The following MAPK8IP2 variants were observed in gnomAD, a reference collection of about 807,000 sequenced individuals.
The protein encoded by MAPK8IP2 is C-Jun-amino-terminal kinase-interacting protein 2.
Under a neutral mutation model 75.6 loss-of-function variants are expected in MAPK8IP2, and 15 were observed. The ratio of observed to expected loss-of-function variants is 0.20; its 90% CI spans 0.13 to 0.31. The LOEUF is 0.31. Among genes scored for constraint, MAPK8IP2 ranks in the 10% least tolerant of loss-of-function variants. MAPK8IP2 has a pLI of 1.00. For missense variants in MAPK8IP2, 1,089 were observed against 1,211.2 expected (o/e 0.90, Z 1.50); for synonymous variants, 632 against 554.5 (o/e 1.14, Z -1.96).
chr22:50,600,817 A>G lies in MAPK8IP2; in HGVS notation c.-2A>G. On this transcript the variant is annotated 5_prime_UTR_variant, in exon 1 of 12. Transcript: ENST00000329492. ...CGCAGTCGCGGGCCTCTCCCGGAGA[A>G]GATGGCGGATCGCGCGGAGATGTTT... is the stretch of plus-strand genomic sequence containing the variant. 3.1e-6 allele frequency: 4 copies of G among 1,285,726 alleles called. No individual in the cohort carries two copies. The highest frequency in any genetic ancestry group is 1.4e-5 in the South Asian group (1 of 71,480). 79.6% of individuals were successfully genotyped at this position (1,285,726 alleles called of 1,614,324 possible).
Position 50,610,660 on chromosome 22 carries a change from G to T in MAPK8IP2, c.2403-47G>T. 1 of 1,516,354 alleles carries T rather than the reference G, an allele frequency of 6.6e-7. No individual in the cohort carries two copies. The highest frequency in any genetic ancestry group is 9.0e-7 in the Non-Finnish European group (1 of 1,105,862). The allele number at this position is 1,516,354 out of a possible 1,614,324, so 93.9% of individuals were successfully genotyped here. ...AGGCTCTGTGGAAGGCAGTTTGGGG[G>T]TTGAGGACCGGCCCTGAGTGGCTGG... On this transcript the variant is annotated intron_variant, in intron 11 of 11. Transcript: ENST00000329492. This position sits in a 1 kb window ranked among gnomAD's most constrained non-coding sequence, Gnocchi z 4.3.
rs549668849 is a variant in MAPK8IP2 at position 50,604,250 on chromosome 22, C to T, written c.951C>T (p.Pro317=). Reference sequence around the variant, plus strand: ...CCCCGCGCGAACCCCCGCGCCGCCCCGCCTTCCTGCCCGTGGGCCCCGACG... The same window carrying T: ...CCCCGCGCGAACCCCCGCGCCGCCCTGCCTTCCTGCCCGTGGGCCCCGACG... ...PEPPREPPRR[P]AFLPVGPDDT... Residue 317 remains proline (P), a synonymous_variant, in exon 5 of 12, where the codon CCC becomes CCT. Transcript: ENST00000329492. 4.5e-6 allele frequency: 7 copies of T among 1,565,908 alleles called. No homozygotes were observed. Among genetic ancestry groups the T allele is most frequent in the East Asian group, 4.7e-5 (2 of 42,772 alleles).
chr22:50,604,299 G>A lies in MAPK8IP2; in HGVS notation c.1000G>A (p.Gly334Arg). The A allele has an allele frequency of 6.4e-7, 1 of 1,556,158 alleles. No homozygotes were observed. Among genetic ancestry groups the A allele is most frequent in the Non-Finnish European group, 8.6e-7 (1 of 1,158,532 alleles). ...PDDTNSEYES[G>R]SESEPDLSED... The stretch of plus-strand genomic sequence containing the variant: ...CGACACCAACAGCGAGTACGAGTCG[G>A]GGTCGGAGTCGGAGCCGGACCTCAG... Residue 334 changes from glycine to arginine, a missense_variant, in exon 5 of 12, where the codon GGG (glycine) becomes AGG (arginine). Physicochemically the swap from Gly to Arg is moderately radical, Grantham distance 125 (BLOSUM62 -2). Transcript: ENST00000329492.
intron 10 of MAPK8IP2, among the ~76,000 whole-genome samples, chr22:50,609,100 C>T (rs1351309474): frequency 6.6e-6 from 1 of 152,154 alleles, no homozygotes; most frequent in African/African-American, 2.4e-5. Context: ...ACCCCCCGTC[C>T]CCGGTCCCTT....
intron 8 of MAPK8IP2, 39 bp downstream of exon 8, chr22:50,605,973 G>A (rs1186255838): frequency 2.3e-5 from 34 of 1,482,570 alleles, no homozygotes; most frequent in East Asian, 1.2e-4. Context: ...CTGAGGGTCC[G>A]CTTGGCGGCC....
rs1281636701 is a variant in MAPK8IP2 at position 50,600,876 on chromosome 22, G to A, written c.58G>A (p.Gly20Ser). The A allele has an allele frequency of 1.6e-6, 2 of 1,280,042 alleles. No individual in the cohort carries two copies. Among genetic ancestry groups the A allele is most frequent in the Non-Finnish European group, 2.0e-6 (2 of 985,244 alleles). 79.3% of individuals were successfully genotyped at this position (1,280,042 alleles called of 1,614,324 possible). A position where few individuals can be genotyped will look rare whatever the true frequency, so the allele number is the denominator to read the frequency against. Residue 20 changes from glycine to serine, a missense_variant, in exon 1 of 12, where the codon GGC becomes AGC. Physicochemically the swap from Gly to Ser is moderately conservative, Grantham distance 56 (BLOSUM62 0). Around this residue, in one of 2 missense-constraint regions of MAPK8IP2, gnomAD observed 960 missense variants for 1,009.6 expected, o/e 0.95. Transcript: ENST00000329492. ...CACCTTCCACTCGCTGTCGCCGCCGGGCTGCAGGTACCCCCCTCGGCGCCC... is the reference window on the plus strand; with the variant it reads ...CACCTTCCACTCGCTGTCGCCGCCGAGCTGCAGGTACCCCCCTCGGCGCCC... ...LSTFHSLSPPGCRPPQDISLE... is the reference protein window; with the variant it reads ...LSTFHSLSPPSCRPPQDISLE...
At chr22:50,602,672 G>T (rs2070957594) in intron 2 of MAPK8IP2, among the ~76,000 whole-genome samples, 1 of 152,196 alleles carries the variant, frequency 6.6e-6, no homozygotes, top group Non-Finnish European at 1.5e-5. Flanking sequence ...GGAAGTGCCA[G>T]CATGGGGAAT....
chr22:50,605,129 C>T (rs1255147293), intron 5 of MAPK8IP2, 65 bp downstream of exon 5: 1 of 1,576,044 alleles, frequency 6.3e-7, no homozygotes, highest in Non-Finnish European at 8.7e-7. Flanking sequence ...GGCCCCAGTC[C>T]CAGGGTCCCC....
Position 50,610,324 on chromosome 22 carries a change from C to T in MAPK8IP2, c.2402+14C>T, listed in dbSNP as rs750937498. 6.3e-7 allele frequency: 1 copy of T among 1,589,654 alleles called. No homozygotes were observed. ...GCAGAGTGTGGGGTGAGTGGGGCCC[C>T]AGGGTGTGGGTGCAGAATGGGTGCA... On this transcript the variant is annotated intron_variant, in intron 11 of 11. Coordinates refer to ENST00000329492, the MANE Select transcript of MAPK8IP2 (RefSeq NM_012324.6). This position sits in a 1 kb window ranked among gnomAD's most constrained non-coding sequence, Gnocchi z 4.3.
At position 50,604,514 on chromosome 22, in the gene MAPK8IP2, C is replaced by T. The variant is rs952125744; in HGVS notation, c.1215C>T (p.Gly405=). Residue 405 remains glycine (G), a synonymous_variant, in exon 5 of 12, where the codon GGC becomes GGT. Transcript: ENST00000329492. Reference sequence around the variant, plus strand: ...CCGAGGCGGCCGCGGGGCCCGGCGGCGTGGAGCTGGTGGACATGGAGACGC... The same window carrying T: ...CCGAGGCGGCCGCGGGGCCCGGCGGTGTGGAGCTGGTGGACATGGAGACGC... The part of the protein sequence containing the change: ...QDPEAAAGPG[G]VELVDMETLC... 3.3e-6 allele frequency: 4 copies of T among 1,212,110 alleles called. No homozygotes were observed. The highest frequency in any genetic ancestry group is 3.2e-5 in the African/African-American group (2 of 62,434). The allele number at this position is 1,212,110 out of a possible 1,614,324, so 75.1% of individuals were successfully genotyped here.
chr22:50,603,318 GGAGGACGAT>G lies in MAPK8IP2; in HGVS notation c.276_284del (p.Asp92_Asp94del). On this transcript the variant is annotated inframe_deletion, in exon 3 of 12. Transcript: ENST00000329492. ...TTGAGATGATCGATGACAATGAAGA[GGAGGACGAT>G]GAGGACGAGGAAGAGGAGGAGGAGG... 1.3e-6 allele frequency: 2 copies of G among 1,564,056 alleles called. No homozygotes were observed. Among genetic ancestry groups the G allele is most frequent in the Middle Eastern group, 1.7e-4 (1 of 6,004 alleles).
rs2071071637 is a variant in MAPK8IP2 at position 50,607,499 on chromosome 22, A to AG, written c.2303+509dup. ...TTAATCTTGCTGGTAATGAGGCCATAGAAGGCTCCTAATGGAAGGAGGTGA... is the reference window on the plus strand; with the variant it reads ...TTAATCTTGCTGGTAATGAGGCCATAGGAAGGCTCCTAATGGAAGGAGGTGA... On this transcript the variant is annotated intron_variant, in intron 10 of 11. Transcript: ENST00000329492. This position sits in a 1 kb window ranked among gnomAD's most constrained non-coding sequence, Gnocchi z 5.6. 6.6e-6 allele frequency among the ~76,000 whole-genome samples: 1 copy of AG among 152,090 alleles called. No individual in the cohort carries two copies. The highest frequency in any genetic ancestry group is 2.1e-4 in the South Asian group (1 of 4,824).
chr22:50,605,697 C>T lies in MAPK8IP2; in HGVS notation c.1977C>T (p.Tyr659=), dbSNP rs776606210. The change falls in exon 7 of 12, where the codon TAC becomes TAT. Residue 659 remains tyrosine (Y), a synonymous_variant. Transcript: ENST00000329492. ...TGERGVFPAF[Y]AHAVPGPAKD... ...AGCGCGGTGTGTTTCCTGCCTTCTA[C>T]GCCCATGCGGTGCCCGGCCCTGCCA... 120 of 1,611,544 alleles carry T rather than the reference C, an allele frequency of 7.4e-5. No individual in the cohort carries two copies. The highest frequency in any genetic ancestry group is 3.1e-4 in the East Asian group (14 of 44,876).
chr22:50,603,585 C>T, intron 3 of MAPK8IP2, 41 bp from the exon 4 acceptor site: 3 of 1,582,302 alleles, frequency 1.9e-6, no homozygotes, highest in Non-Finnish European at 2.6e-6. Flanking sequence ...CCCCTGGGAG[C>T]TGGCCCTCCT....
rs1351001093 is a variant in MAPK8IP2 at position 50,612,867 on chromosome 22, G to GC, written c.*2092dup. ...CCCTGCCCTCCGGCGCCCCCGTCCC[G>GC]CCCCTGCCCGGCCTGGCCCCGCCCC... is the stretch of plus-strand genomic sequence containing the variant. On this transcript the variant is annotated 3_prime_UTR_variant, in exon 12 of 12. Transcript: ENST00000329492. 2 of 46,504 alleles carry GC rather than the reference G, an allele frequency of 4.3e-5. No individual in the cohort carries two copies. Among genetic ancestry groups the GC allele is most frequent in the Admixed American group, 2.4e-4 (1 of 4,092 alleles). 2.9% of individuals were successfully genotyped at this position (46,504 alleles called of 1,614,324 possible). A position where few individuals can be genotyped will look rare whatever the true frequency, so the allele number is the denominator to read the frequency against.
intron 4 of MAPK8IP2, 58 bp downstream of exon 4, chr22:50,603,777 G>T: frequency 6.5e-7 from 1 of 1,540,352 alleles, no homozygotes; most frequent in South Asian, 1.2e-5. Context: ...CAGGGAGGAT[G>T]GACTGGCTGC....
chr22:50,606,869 G>T (rs2071061016), intron 9 of MAPK8IP2, 52 bp from the exon 10 acceptor site: 1 of 1,600,326 alleles, frequency 6.2e-7, no homozygotes, highest in African/African-American at 1.3e-5. Flanking sequence ...GGGAGGCAGG[G>T]GTGGCGCCAG....
At chr22:50,609,343 C>G (rs538348651) in intron 10 of MAPK8IP2, among the ~76,000 whole-genome samples, 1 of 152,276 alleles carries the variant, frequency 6.6e-6, no homozygotes, top group East Asian at 1.9e-4. Context: ...GGCCCTACCT[C>G]AGAGGGCTGT....
At chr22:50,606,543 A>G in intron 8 of MAPK8IP2, 115 bp from the exon 9 acceptor site, 2 of 765,578 alleles carry the variant, frequency 2.6e-6, no homozygotes, top group Non-Finnish European at 4.5e-6. Flanking sequence ...CAGGGTCCTC[A>G]GCATGTGTGT....
Sources: allele counts gnomAD v4.1 joint callset (sites outside exome capture counted in the v4.1 genomes callset), GRCh38; gene constraint gnomAD v4.1.1; regional missense constraint gnomAD v4.1.1; non-coding constraint Gnocchi (gnomAD v3.1); transcripts MANE v1.5; gene names NCBI Gene and HGNC (gene_info 2026-07-23, HGNC 2026-07-21).